CKAP5: variants seen among roughly 807,000 people sequenced by gnomAD.
CKAP5 encodes cytoskeleton-associated protein 5.
Under a neutral mutation model 232.8 loss-of-function variants are expected in CKAP5, and 27 were observed. That is an observed-to-expected ratio of 0.12 (90% CI 0.09 to 0.16). CKAP5 has a LOEUF of 0.16. CKAP5 is among the 10% of genes least tolerant of loss of function. The pLI is 1.00. For synonymous variants in CKAP5, 785 were observed against 841.1 expected (o/e 0.93, Z 1.16); for missense variants, 1,838 against 2,424.7 (o/e 0.76, Z 5.08).
intron 18 of CKAP5, among the ~76,000 whole-genome samples, chr11:46,783,007 T>C (rs989618557): frequency 2.0e-5 from 3 of 152,228 alleles, no homozygotes; most frequent in Non-Finnish European, 4.4e-5. Flanking sequence ...TGTATTTGAC[T>C]AGAAATTCTT....
At chr11:46,842,380 T>G (rs1014722859) in intron 1 of CKAP5, among the ~76,000 whole-genome samples, 2 of 152,196 alleles carry the variant, frequency 1.3e-5, no homozygotes, top group African/African-American at 4.8e-5. Flanking sequence ...GAGCCACTGA[T>G]ATACTTCATA....
chr11:46,778,421 C>T (rs2134619555), intron 21 of CKAP5, 39 bp downstream of exon 21: 1 of 1,611,920 alleles, frequency 6.2e-7, no homozygotes, highest in African/African-American at 1.3e-5. Flanking sequence ...GAATTCAATA[C>T]AATGAATGAA....
In CKAP5 at chr11:46,795,864, A is replaced by G. The variant is rs1938860031; in HGVS notation, c.1468-88T>C. Reference sequence around the variant, plus strand: ...TTACATTTCTAAACCACAACTACACATAAGAATTCAGAGAAATGGCCAGGC... The same window carrying G: ...TTACATTTCTAAACCACAACTACACGTAAGAATTCAGAGAAATGGCCAGGC... On this transcript the variant is annotated intron_variant, in intron 12 of 43. Transcript: ENST00000529230. 1.4e-5 allele frequency: 16 copies of G among 1,162,098 alleles called. No homozygotes were observed. In the Admixed American group the frequency reaches 3.1e-4, roughly 23 times the overall value. The allele number at this position is 1,162,098 out of a possible 1,614,324, so 72.0% of individuals were successfully genotyped here. A position where few individuals can be genotyped will look rare whatever the true frequency, so the allele number is the denominator to read the frequency against.
rs1172728109 is a variant in CKAP5 at position 46,769,985 on chromosome 11, T to C, written c.3300A>G (p.Pro1100=). 3.1e-6 allele frequency: 5 copies of C among 1,614,046 alleles called. No homozygotes were observed. The highest frequency in any genetic ancestry group is 4.2e-6 in the Non-Finnish European group (5 of 1,180,010). The change falls in exon 26 of 44, where the codon CCA becomes CCG. Residue 1100 remains proline, a synonymous_variant. Coordinates refer to ENST00000529230, the MANE Select transcript of CKAP5 (RefSeq NM_001008938.4). ...ATSKPMGGSA[P]AKFQPASAPA... ...TACCTGATGCAGGCTGGAATTTGGC[T>C]GGAGCGGACCCTCCCATTGGTTTAG...
intron 36 of CKAP5, among the ~76,000 whole-genome samples, chr11:46,754,094 G>A (rs574779530): frequency 8.6e-5 from 13 of 151,608 alleles, no homozygotes; most frequent in Middle Eastern, 3.5e-3. Context: ...CGCCTCCTGG[G>A]TTCAAGCAAT....
chr11:46,765,341 T>C (rs2065193550), intron 27 of CKAP5, 85 bp from the exon 28 acceptor site: 3 of 1,157,058 alleles, frequency 2.6e-6, no homozygotes, highest in Non-Finnish European at 3.6e-6. Context: ...AAGGGCACTG[T>C]AGAAAACAGA....
chr11:46,778,428 T>G, intron 21 of CKAP5, 32 bp downstream of exon 21: 2 of 1,613,186 alleles, frequency 1.2e-6, no homozygotes, highest in Non-Finnish European at 1.7e-6. Context: ...ATACAATGAA[T>G]GAAATAAACC....
At chr11:46,832,250 G>C (rs2134710108) in intron 1 of CKAP5, among the ~76,000 whole-genome samples, 1 of 152,130 alleles carries the variant, frequency 6.6e-6, no homozygotes, top group South Asian at 2.1e-4. Context: ...CCTTTTCAAA[G>C]TGAAAAAAAT....
chr11:46,770,494 C>T (rs1167706001), intron 25 of CKAP5, among the ~76,000 whole-genome samples: 3 of 152,246 alleles, frequency 2.0e-5, no homozygotes, highest in South Asian at 2.1e-4. Context: ...TGCAGTGGCA[C>T]GATCTCAGCT....
intron 38 of CKAP5, 58 bp downstream of exon 38, chr11:46,752,577 C>G: frequency 7.3e-7 from 1 of 1,374,714 alleles, no homozygotes; most frequent in East Asian, 2.4e-5. Flanking sequence ...TTTCCCCATA[C>G]TTTTAACAAA....
At chr11:46,824,749 G>A (rs550645665) in intron 1 of CKAP5, among the ~76,000 whole-genome samples, 67 of 152,324 alleles carry the variant, frequency 4.4e-4, no homozygotes, top group Non-Finnish European at 8.5e-4. Flanking sequence ...ATATAGGGAT[G>A]AGCAGACTGA....
chr11:46,744,831 A>AG (rs2065010785), intron 42 of CKAP5, among the ~76,000 whole-genome samples: 1 of 152,220 alleles, frequency 6.6e-6, no homozygotes, highest in African/African-American at 2.4e-5. Flanking sequence ...TGGGTTATGC[A>AG]GGGGATTGTA....
Position 46,790,082 on chromosome 11 carries a change from G to C in CKAP5, c.1869C>G (p.Phe623Leu). The C allele has an allele frequency of 6.2e-7, 1 of 1,602,564 alleles. No individual in the cohort carries two copies. The change falls in exon 15 of 44, where the codon TTC becomes TTG. Residue 623 changes from phenylalanine (F) to leucine (L), a missense_variant. By Grantham distance (22) the Phe-to-Leu change is conservative (BLOSUM62 0). This residue lies in a region of CKAP5 where 767 missense variants were observed against 954.6 expected (regional missense o/e 0.80). Transcript: ENST00000529230. ...ATTCTTCCCTATGCACTACCTTCTGGAACTCTTCCATACAAGCCAGCCTTT... is the reference window on the plus strand; with the variant it reads ...ATTCTTCCCTATGCACTACCTTCTGCAACTCTTCCATACAAGCCAGCCTTT... ...WKERLACMEE[F>L]QKAVELMDRT...
intron 38 of CKAP5, 26 bp from the exon 39 acceptor site, chr11:46,751,560 A>G: frequency 1.9e-6 from 3 of 1,556,362 alleles, no homozygotes; most frequent in Non-Finnish European, 2.6e-6. Flanking sequence ...TAAAAGAGTT[A>G]GGAGTGACTG....
At chr11:46,818,552 T>C (rs764453846) in intron 2 of CKAP5, 49 bp from the exon 3 acceptor site, 5 of 1,312,828 alleles carry the variant, frequency 3.8e-6, no homozygotes, top group Non-Finnish European at 5.1e-6. Context: ...AATGATATTA[T>C]CATCTACTAT....
At chr11:46,752,213 C>T (rs925135389) in intron 38 of CKAP5, among the ~76,000 whole-genome samples, 11 of 121,436 alleles carry the variant, frequency 9.1e-5, no homozygotes, top group African/African-American at 2.9e-4. Flanking sequence ...CACACACACA[C>T]ACACACACAC....
chr11:46,788,582 A>T, intron 16 of CKAP5, 99 bp downstream of exon 16: 1 of 785,742 alleles, frequency 1.3e-6, no homozygotes, highest in Non-Finnish European at 2.0e-6. Flanking sequence ...CTCAAAAAAA[A>T]AAAAATCATT....
chr11:46,794,047 T>C (rs1290881285), intron 13 of CKAP5, among the ~76,000 whole-genome samples: 1 of 152,182 alleles, frequency 6.6e-6, no homozygotes, highest in African/African-American at 2.4e-5. Flanking sequence ...CTGGGAAAAC[T>C]GAATATCCAC....
intron 13 of CKAP5, among the ~76,000 whole-genome samples, chr11:46,795,194 T>G (rs1938839950): frequency 6.6e-6 from 1 of 151,782 alleles, no homozygotes; most frequent in Non-Finnish European, 1.5e-5. Flanking sequence ...CCTGGCATGG[T>G]GGCACGTGCC....
Sources: allele counts gnomAD v4.1 joint callset (sites outside exome capture counted in the v4.1 genomes callset), GRCh38; gene constraint gnomAD v4.1.1; regional missense constraint gnomAD v4.1.1; transcripts MANE v1.5; gene names NCBI Gene and HGNC (gene_info 2026-07-23, HGNC 2026-07-21).